Variants in PLEKHM1 observed in about 807,000 individuals in gnomAD.
The protein encoded by PLEKHM1 is pleckstrin homology and RUN domain containing M1.
In PLEKHM1, 28 loss-of-function variants were observed where a neutral mutation model predicts 94.3. The ratio of observed to expected loss-of-function variants is 0.30; its 90% confidence interval spans 0.22 to 0.41. PLEKHM1 has a LOEUF of 0.41. Ranked by LOEUF, PLEKHM1 falls within the 10% of genes least tolerant of loss-of-function variation. The pLI is 1.00. For missense variants in PLEKHM1, 907 were observed against 1,358.6 expected (o/e 0.67, Z 5.22); for synonymous variants, 424 against 581.2 (o/e 0.73, Z 3.89).
chr17:45,439,565 A>C lies in PLEKHM1; in HGVS notation c.2971T>G (p.Cys991Gly), dbSNP rs1293819169. 3 of 1,614,100 alleles carry C rather than the reference A, an allele frequency of 1.9e-6. No homozygotes were observed. The highest frequency in any genetic ancestry group is 1.7e-6 in the Non-Finnish European group (2 of 1,180,050). The change falls in exon 11 of 12, where the codon TGC (cysteine) becomes GGC (glycine). Residue 991 changes from cysteine (C) to glycine (G), a missense_variant. Physicochemically the swap from Cys to Gly is radical, Grantham distance 159. Transcript: ENST00000430334. Reference sequence around the variant, plus strand: ...AAGCCGCGCTGGGTGCACAGGTCGCAGTGGTAGACATGCTGGGAGGCAAAT... The same window carrying C: ...AAGCCGCGCTGGGTGCACAGGTCGCCGTGGTAGACATGCTGGGAGGCAAAT... ...IEFASQHVYH[C>G]DLCTQRGFIC...
At chr17:45,482,849 C>T (rs71244257) in intron 1 of PLEKHM1, among the ~76,000 whole-genome samples, 2 of 151,744 alleles carry the variant, frequency 1.3e-5, no homozygotes, top group Admixed American at 6.6e-5. Context: ...AGGCAGGGAA[C>T]GACAGGCTGA....
chr17:45,462,179 T>G (rs2051171280), intron 5 of PLEKHM1, among the ~76,000 whole-genome samples: 1 of 152,172 alleles, frequency 6.6e-6, no homozygotes, highest in Non-Finnish European at 1.5e-5. Context: ...CTCAGGCAAC[T>G]TGAGGGGTAG....
At position 45,445,624 on chromosome 17, in the gene PLEKHM1, C is replaced by T; in HGVS notation, c.2683G>A (p.Ala895Thr). 6.2e-7 allele frequency: 1 copy of T among 1,613,646 alleles called. No individual in the cohort carries two copies. Among genetic ancestry groups the T allele is most frequent in the Middle Eastern group, 1.7e-4 (1 of 6,056 alleles). Residue 895 changes from alanine (A) to threonine (T), a missense_variant, in exon 9 of 12, where the codon GCC (alanine) becomes ACC (threonine). This residue lies in a region of PLEKHM1 where 254 missense variants were observed against 451.1 expected (regional missense o/e 0.56). Transcript: ENST00000430334. This position sits in a 1 kb window ranked among gnomAD's most constrained non-coding sequence, Gnocchi z 4.2. Reference sequence around the variant, plus strand: ...ATCTGCAGGTTGATGAGGGGCTGGGCCCGGATCTGTGTCAGAAACTTCAGG... The same window carrying T: ...ATCTGCAGGTTGATGAGGGGCTGGGTCCGGATCTGTGTCAGAAACTTCAGG... The part of the protein sequence containing the change: ...QALKFLTQIR[A>T]QPLINLQMVN...
chr17:45,436,496 C>T lies in PLEKHM1; in HGVS notation c.*1362G>A, dbSNP rs554241993. 129 of 453,492 alleles carry T rather than the reference C, an allele frequency of 2.8e-4. 1 individual carries two copies. The highest frequency in any genetic ancestry group is 2.2e-3 in the African/African-American group (110 of 50,078). 28.1% of individuals were successfully genotyped at this position (453,492 alleles called of 1,614,324 possible). ...TGGGCTCATCTCTGACAGTGACATGCGGCTCTCCACCTGAGGCCTGACTCC... is the reference window on the plus strand; with the variant it reads ...TGGGCTCATCTCTGACAGTGACATGTGGCTCTCCACCTGAGGCCTGACTCC... On this transcript the variant is annotated 3_prime_UTR_variant, in exon 12 of 12. Coordinates refer to ENST00000430334, the MANE Select transcript of PLEKHM1 (RefSeq NM_014798.3).
At chr17:45,461,767 C>T (rs1567785101) in intron 5 of PLEKHM1, among the ~76,000 whole-genome samples, 2 of 152,170 alleles carry the variant, frequency 1.3e-5, no homozygotes, top group East Asian at 1.9e-4. Flanking sequence ...TGCCCCTTCC[C>T]TTCGTTGTTC....
chr17:45,475,597 C>T lies in PLEKHM1; in HGVS notation c.426G>A (p.Gln142=). The T allele has an allele frequency of 3.7e-6, 6 of 1,614,004 alleles. No individual in the cohort carries two copies. The highest frequency in any genetic ancestry group is 5.1e-6 in the Non-Finnish European group (6 of 1,179,916). ...GCTGGTAGTACTCATGCAAGCGGGCCTGCTCCTGCAGCAGCAGCTTCAGGT... is the reference window on the plus strand; with the variant it reads ...GCTGGTAGTACTCATGCAAGCGGGCTTGCTCCTGCAGCAGCAGCTTCAGGT... ...ECYLKLLLQE[Q]ARLHEYYQPT... The change falls in exon 4 of 12, where the codon CAG becomes CAA. Residue 142 remains glutamine, a synonymous_variant. Transcript: ENST00000430334.
At chr17:45,484,626 A>T (rs1205967467) in intron 1 of PLEKHM1, among the ~76,000 whole-genome samples, 1 of 152,236 alleles carries the variant, frequency 6.6e-6, no homozygotes, top group African/African-American at 2.4e-5. Flanking sequence ...AGGACCTCCC[A>T]GGACTATGTC....
At chr17:45,458,705 A>AG in intron 5 of PLEKHM1, among the ~76,000 whole-genome samples, 1 of 151,846 alleles carries the variant, frequency 6.6e-6, no homozygotes, top group African/African-American at 2.4e-5. Flanking sequence ...TCCTGACTTC[A>AG]GGTGAGCCAC....
chr17:45,453,372 T>G lies in PLEKHM1; in HGVS notation c.2480A>C (p.Gln827Pro). 6.2e-7 allele frequency: 1 copy of G among 1,613,614 alleles called. No individual in the cohort carries two copies. The highest frequency in any genetic ancestry group is 8.5e-7 in the Non-Finnish European group (1 of 1,179,702). The change falls in exon 7 of 12, where the codon CAA (glutamine) becomes CCA (proline). Residue 827 changes from glutamine (Q) to proline (P), a missense_variant. Physicochemically the swap from Gln to Pro is moderately conservative, Grantham distance 76. Around this residue, in one of 3 missense-constraint regions of PLEKHM1, gnomAD observed 254 missense variants for 451.1 expected, o/e 0.56. Coordinates refer to ENST00000430334, the MANE Select transcript of PLEKHM1 (RefSeq NM_014798.3). The surrounding 1 kb of genome is among the most constrained non-coding windows in gnomAD (Gnocchi z 4.1). ...AIPMEKGLDS[Q>P]GCFCAGCSRQ... ...ATCGGCACCTGCGCAGAAGCAGCCT[T>G]GGGAGTCAAGGCCTTTCTCCATGGG...
In PLEKHM1 at chr17:45,477,943, G is replaced by A; in HGVS notation, c.253C>T (p.Pro85Ser). ...AGGAGGGGCCAGAAGACAGGCTGGG[G>A]CAGAGGCTTCTGGTGGGCACTTTTC... is the stretch of plus-strand genomic sequence containing the variant. ...RKKSAHQKPL[P>S]QPVFWPLLKA... Residue 85 changes from proline (P) to serine (S), a missense_variant, in exon 3 of 12, where the codon CCC (proline) becomes TCC (serine). Pro to Ser is a moderately conservative substitution (Grantham distance 74). This residue lies in a region of PLEKHM1 where 176 missense variants were observed against 306.0 expected (regional missense o/e 0.58). Transcript: ENST00000430334. 1 of 1,614,004 alleles carries A rather than the reference G, an allele frequency of 6.2e-7. No homozygotes were observed. Among genetic ancestry groups the A allele is most frequent in the Non-Finnish European group, 8.5e-7 (1 of 1,179,964 alleles).
At chr17:45,472,033 T>A (rs1379614199) in intron 4 of PLEKHM1, among the ~76,000 whole-genome samples, 1 of 152,248 alleles carries the variant, frequency 6.6e-6, no homozygotes, top group Admixed American at 6.5e-5. Flanking sequence ...TTGTGTCTTT[T>A]ATGCTTTTCT....
chr17:45,451,492 AGAGG>A (rs2050773619), intron 7 of PLEKHM1, among the ~76,000 whole-genome samples: 1 of 152,350 alleles, frequency 6.6e-6, no homozygotes, highest in Admixed American at 6.5e-5. Flanking sequence ...CCTTGGGACC[AGAGG>A]GCGGGTTCTG....
chr17:45,459,492 C>T (rs1014913692), intron 5 of PLEKHM1: 2 of 151,590 alleles, frequency 1.3e-5, no homozygotes, highest in African/African-American at 4.9e-5. Context: ...ATTCCATTGT[C>T]TCGATCCACC....
Position 45,445,624 on chromosome 17 carries a change from C to G in PLEKHM1, c.2683G>C (p.Ala895Pro). 2 of 1,613,646 alleles carry G rather than the reference C, an allele frequency of 1.2e-6. No homozygotes were observed. Among genetic ancestry groups the G allele is most frequent in the Non-Finnish European group, 1.7e-6 (2 of 1,179,864 alleles). ...QALKFLTQIRAQPLINLQMVN... is the reference protein window; with the variant it reads ...QALKFLTQIRPQPLINLQMVN... ...ATCTGCAGGTTGATGAGGGGCTGGGCCCGGATCTGTGTCAGAAACTTCAGG... is the reference window on the plus strand; with the variant it reads ...ATCTGCAGGTTGATGAGGGGCTGGGGCCGGATCTGTGTCAGAAACTTCAGG... The change falls in exon 9 of 12, where the codon GCC becomes CCC. Residue 895 changes from alanine to proline, a missense_variant. Ala to Pro is a conservative substitution (Grantham distance 27). Coordinates refer to ENST00000430334, the MANE Select transcript of PLEKHM1 (RefSeq NM_014798.3). The surrounding 1 kb of genome is among the most constrained non-coding windows in gnomAD (Gnocchi z 4.2).
chr17:45,466,933 G>T (rs534701598), intron 5 of PLEKHM1, among the ~76,000 whole-genome samples: 1 of 152,306 alleles, frequency 6.6e-6, no homozygotes, highest in South Asian at 2.1e-4. Flanking sequence ...GCATGTATGA[G>T]AATGTTCACT....
downstream of PLEKHM1, among the ~76,000 whole-genome samples, chr17:45,434,722 G>T (rs1453540378): frequency 6.6e-6 from 1 of 152,148 alleles, no homozygotes; most frequent in Non-Finnish European, 1.5e-5. Flanking sequence ...TGGGATTACA[G>T]GTGTGAGCCA....
At position 45,468,457 on chromosome 17, in the gene PLEKHM1, C is replaced by G; in HGVS notation, c.1060G>C (p.Ala354Pro). 6 of 1,614,200 alleles carry G rather than the reference C, an allele frequency of 3.7e-6. No individual in the cohort carries two copies. The highest frequency in any genetic ancestry group is 5.1e-6 in the Non-Finnish European group (6 of 1,180,034). Residue 354 changes from alanine to proline, a missense_variant, in exon 5 of 12, where the codon GCA becomes CCA. This residue lies in a region of PLEKHM1 where 477 missense variants were observed against 601.5 expected (regional missense o/e 0.79). Transcript: ENST00000430334. The part of the protein sequence containing the change: ...LNTSTYLHCE[A>P]PAEPLPAQAA... ...TGGGCAGGAAGGGGCTCTGCAGGTG[C>G]CTCACAGTGCAGGTATGTGCTGGTG...
Position 45,454,086 on chromosome 17 carries a change from T to C in PLEKHM1, c.1766A>G (p.His589Arg), listed in dbSNP as rs768647001. 7 of 1,614,102 alleles carry C rather than the reference T, an allele frequency of 4.3e-6. No individual in the cohort carries two copies. Among genetic ancestry groups the C allele is most frequent in the Non-Finnish European group, 5.9e-6 (7 of 1,180,056 alleles). Reference sequence around the variant, plus strand: ...GACCAGCTCAAAGCGCCCATCACTATGGGCTGGCCCCACAGACTCACAGCG... The same window carrying C: ...GACCAGCTCAAAGCGCCCATCACTACGGGCTGGCCCCACAGACTCACAGCG... ...LLRCESVGPAHSDGRFELVFS... is the reference protein window; with the variant it reads ...LLRCESVGPARSDGRFELVFS... The change falls in exon 7 of 12, where the codon CAT (histidine) becomes CGT (arginine). Residue 589 changes from histidine to arginine, a missense_variant. By Grantham distance (29) the His-to-Arg change is conservative (BLOSUM62 0). Coordinates refer to ENST00000430334, the MANE Select transcript of PLEKHM1 (RefSeq NM_014798.3).
At position 45,439,340 on chromosome 17, in the gene PLEKHM1, C is replaced by T. The variant is rs1230692127; in HGVS notation, c.3059+137G>A. 3.1e-6 allele frequency: 3 copies of T among 979,318 alleles called. No individual in the cohort carries two copies. The Admixed American group carries it at 6.0e-5, about 20-fold the overall frequency. 60.7% of individuals were successfully genotyped at this position (979,318 alleles called of 1,614,324 possible). A position where few individuals can be genotyped will look rare whatever the true frequency, so the allele number is the denominator to read the frequency against. On this transcript the variant is annotated intron_variant, in intron 11 of 11. Transcript: ENST00000430334. ...TGGGCTGCCCCAACAACTGCACCAC[C>T]CCTTGGCACAGCACAAAGTGGATGT...
Sources: allele counts gnomAD v4.1 joint callset (sites outside exome capture counted in the v4.1 genomes callset), GRCh38; gene constraint gnomAD v4.1.1; regional missense constraint gnomAD v4.1.1; non-coding constraint Gnocchi (gnomAD v3.1); transcripts MANE v1.5; gene names NCBI Gene and HGNC (gene_info 2026-07-23, HGNC 2026-07-21).